The following NBEAL1 variants were observed in gnomAD, a reference collection of about 807,000 sequenced individuals.
NBEAL1 encodes neurobeachin-like protein 1.
A neutral mutation model predicts 351.3 loss-of-function variants in NBEAL1; 273 were observed. The ratio of observed to expected loss-of-function variants is 0.78; its 90% CI spans 0.70 to 0.86. The LOEUF (loss-of-function observed/expected upper bound fraction) is 0.86. Among genes scored for constraint, NBEAL1 ranks in the 40% least tolerant of loss-of-function variants. The pLI, the probability that NBEAL1 is intolerant of heterozygous loss-of-function variation, is 0.00. For synonymous variants in NBEAL1, 1,050 were observed against 1,086.4 expected, an observed-to-expected ratio of 0.97 and a Z score of 0.66; for missense variants, 2,961 against 3,201.3, an observed-to-expected ratio of 0.92 and a Z score of 1.81.
At chr2:203,029,691 CAA>C (rs11407531) in intron 2 of NBEAL1, among the ~76,000 whole-genome samples, 41 of 101,160 alleles carry the variant, frequency 4.1e-4, no homozygotes, top group Non-Finnish European at 5.7e-4. Context: ...GACCCTGTCT[CAA>C]AAAAAAAAAA....
At chr2:203,197,166 A>T in intron 47 of NBEAL1, 136 bp from the exon 48 acceptor site, 1 of 514,770 alleles carries the variant, frequency 1.9e-6, no homozygotes, top group Non-Finnish European at 3.5e-6. Flanking sequence ...CTTCATTTTA[A>T]ATTAATTGAT....
chr2:203,119,398 C>T (rs567667731), intron 18 of NBEAL1, among the ~76,000 whole-genome samples: 74 of 137,556 alleles, frequency 5.4e-4, no homozygotes, highest in Non-Finnish European at 9.8e-4. Context: ...AGATTACAGG[C>T]GTGAGCCACT....
intron 21 of NBEAL1, 134 bp from the exon 22 acceptor site, chr2:203,126,420 ACTT>A (rs1252927659): frequency 1.4e-6 from 1 of 697,534 alleles, no homozygotes; most frequent in Non-Finnish European, 2.1e-6. Context: ...AAAAACCAAT[ACTT>A]AAGTTTTTAT....
intron 38 of NBEAL1, among the ~76,000 whole-genome samples, chr2:203,167,976 G>T (rs191502234): frequency 6.6e-6 from 1 of 152,212 alleles, no homozygotes; most frequent in East Asian, 1.9e-4. Context: ...TTGTGTCTTG[G>T]CATCTGCTTT....
In NBEAL1 at chr2:203,032,713, G is replaced by A. The variant is rs1353113877; in HGVS notation, c.52-9052G>A. Among the ~76,000 whole-genome samples, 4 of 122,388 alleles carry A rather than the reference G, an allele frequency of 3.3e-5. No individual in the cohort carries two copies. The East Asian group carries it at 8.2e-4, about 25-fold the overall frequency. 80.3% of individuals were successfully genotyped at this position (122,388 alleles called of 152,430 possible). ...ACAGAGTCTCACTGTTGCCAAGGCT[G>A]GAGTGCAATGGTGCCATCTTGGCTC... On this transcript the variant is annotated intron_variant, in intron 2 of 55. Coordinates refer to ENST00000683969, the MANE Select transcript of NBEAL1 (RefSeq NM_001378026.1).
intron 4 of NBEAL1, among the ~76,000 whole-genome samples, chr2:203,053,358 C>A (rs758768910): frequency 6.6e-6 from 1 of 152,056 alleles, no homozygotes; most frequent in Non-Finnish European, 1.5e-5. Flanking sequence ...GGCTATATAC[C>A]ATTTGTATCT....
At position 203,138,436 on chromosome 2, in the gene NBEAL1, G is replaced by T. The variant is rs1419690242; in HGVS notation, c.4719+121G>T. On this transcript the variant is annotated intron_variant, in intron 30 of 55. Transcript: ENST00000683969. ...AATCAGATTCAATAAACAAGGATAA[G>T]ATGTGATGAATAGTCACAGATTTTT... The T allele has an allele frequency of 3.0e-5, 33 of 1,092,856 alleles. 1 individual carries two copies. In the Admixed American group the frequency reaches 9.2e-4, roughly 31 times the overall value. The allele number at this position is 1,092,856 out of a possible 1,614,324, so 67.7% of individuals were successfully genotyped here.
chr2:203,077,719 T>G, intron 7 of NBEAL1, 33 bp from the exon 8 acceptor site: 1 of 1,075,118 alleles, frequency 9.3e-7, no homozygotes, highest in South Asian at 2.3e-5. Context: ...AAGACAAATC[T>G]TATTTATTTA....
In NBEAL1 at chr2:203,141,383, T is replaced by TTTTTTTTTTTTTTA. The variant is rs2063376319; in HGVS notation, c.4848+2648_4848+2649insATTTTTTTTTTTTT. Reference sequence around the variant, plus strand: ...TTATTATTATTTTTTTTTTTTTTTTTTTTTTTTTTTTTTTTCAGATGGAGT... The same window carrying TTTTTTTTTTTTTTA: ...TTATTATTATTTTTTTTTTTTTTTTTTTTTTTTTTTTTTATTTTTTTTTTTTTTTCAGATGGAGT... On this transcript the variant is annotated intron_variant, in intron 31 of 55. Coordinates refer to ENST00000683969, the MANE Select transcript of NBEAL1 (RefSeq NM_001378026.1). Among the ~76,000 whole-genome samples, 4 of 94,384 alleles carry TTTTTTTTTTTTTTA rather than the reference T, an allele frequency of 4.2e-5. 1 individual carries two copies. Among genetic ancestry groups the TTTTTTTTTTTTTTA allele is most frequent in the Admixed American group, 2.5e-4 (2 of 8,126 alleles). The allele number at this position is 94,384 out of a possible 152,430, so 61.9% of individuals were successfully genotyped here. A position where few individuals can be genotyped will look rare whatever the true frequency, so the allele number is the denominator to read the frequency against.
intron 23 of NBEAL1, among the ~76,000 whole-genome samples, chr2:203,127,131 T>G (rs2062956589): frequency 6.6e-6 from 1 of 152,212 alleles, no homozygotes; most frequent in Non-Finnish European, 1.5e-5. Context: ...TGTGCAACTG[T>G]AGGCAAATTA....
At chr2:203,168,248 A>G (rs1230023228) in intron 38 of NBEAL1, among the ~76,000 whole-genome samples, 1 of 152,246 alleles carries the variant, frequency 6.6e-6, no homozygotes, top group Non-Finnish European at 1.5e-5. Context: ...TTTAAAGTAC[A>G]TTTCTATAAA....
intron 10 of NBEAL1, among the ~76,000 whole-genome samples, chr2:203,087,091 T>C (rs1420941218): frequency 2.4e-5 from 3 of 125,160 alleles, no homozygotes; most frequent in Admixed American, 1.7e-4. Flanking sequence ...TTTTTCACTC[T>C]TTTTTTTTTT....
At chr2:203,049,380 T>C (rs1324330257) in intron 3 of NBEAL1, among the ~76,000 whole-genome samples, 1 of 152,204 alleles carries the variant, frequency 6.6e-6, no homozygotes, top group Non-Finnish European at 1.5e-5. Context: ...TTAAACTAGT[T>C]ATGTAGATAC....
At chr2:203,057,169 C>A (rs1460538110) in intron 5 of NBEAL1, among the ~76,000 whole-genome samples, 157 bp from the exon 6 acceptor site, 1 of 152,016 alleles carries the variant, frequency 6.6e-6, no homozygotes, top group South Asian at 2.1e-4. Context: ...TTAAAGCTAT[C>A]GTAGGACATA....
chr2:203,037,822 C>G (rs1338682995), intron 2 of NBEAL1, among the ~76,000 whole-genome samples: 1 of 148,814 alleles, frequency 6.7e-6, no homozygotes, highest in African/African-American at 2.4e-5. Context: ...AAAAATACAG[C>G]ATGATAGCTG....
chr2:203,068,534 AT>A lies in NBEAL1; in HGVS notation c.598+61del, dbSNP rs2061631119. 8 of 950,860 alleles carry A rather than the reference AT, an allele frequency of 8.4e-6. No individual in the cohort carries two copies. The Admixed American group carries it at 1.8e-4, about 21-fold the overall frequency. 58.9% of individuals were successfully genotyped at this position (950,860 alleles called of 1,614,324 possible). On this transcript the variant is annotated intron_variant, in intron 7 of 55. Transcript: ENST00000683969. ...TATCATCTTACTCTGATTACTTTTT[AT>A]TCTTACTCTGATTCTGATCTTGATT...
In NBEAL1 at chr2:203,180,652, A is replaced by C. The variant is rs150937133; in HGVS notation, c.6595+140A>C. On this transcript the variant is annotated intron_variant, in intron 43 of 55. Coordinates refer to ENST00000683969, the MANE Select transcript of NBEAL1 (RefSeq NM_001378026.1). ...GTGGATTACTTAGTGACAGGGCTGA[A>C]CTAATGCTATGAGTCTTACCTTCCA... is the stretch of plus-strand genomic sequence containing the variant. 19 of 799,188 alleles carry C rather than the reference A, an allele frequency of 2.4e-5. No individual in the cohort carries two copies. The African/African-American group carries it at 3.0e-4, about 13-fold the overall frequency. The allele number at this position is 799,188 out of a possible 1,614,324, so 49.5% of individuals were successfully genotyped here.
At chr2:203,045,127 T>A (rs1436849569) in intron 3 of NBEAL1, among the ~76,000 whole-genome samples, 1 of 152,202 alleles carries the variant, frequency 6.6e-6, no homozygotes, top group Non-Finnish European at 1.5e-5. Flanking sequence ...TCTGAGGAGC[T>A]AATTTTTGTC....
chr2:203,091,320 CCTTT>C (rs1354001051), intron 10 of NBEAL1, among the ~76,000 whole-genome samples: 1 of 152,168 alleles, frequency 6.6e-6, no homozygotes, highest in African/African-American at 2.4e-5. Context: ...GAATTTCCTT[CCTTT>C]CTAACACTGA....
Sources: gnomAD v4.1 joint callset for allele counts (sites outside exome capture counted in the v4.1 genomes callset) on GRCh38, gnomAD v4.1.1 for gene constraint, MANE v1.5 for transcripts, NCBI Gene and HGNC (gene_info 2026-07-23, HGNC 2026-07-21) for gene names.